The following CWH43 variants were observed in gnomAD, a reference collection of about 807,000 sequenced individuals.
The protein encoded by CWH43 is cell wall biogenesis 43 C-terminal homolog, also known as PGAP2-interacting protein.
A neutral mutation model predicts 85.7 loss-of-function variants in CWH43; 91 were observed. The observed-to-expected ratio is 1.06, with a 90% CI of 0.90 to 1.26. The LOEUF is 1.26. Among genes scored for constraint, CWH43 ranks in the 50% most tolerant of loss-of-function variants. The pLI is 0.00. For synonymous variants in CWH43, 323 were observed against 293.6 expected (o/e 1.10, Z -1.02); for missense variants, 869 against 839.2 (o/e 1.04, Z -0.44).
intron 4 of CWH43, among the ~76,000 whole-genome samples, chr4:48,993,274 T>C (rs1782713132): frequency 6.6e-6 from 1 of 152,176 alleles, no homozygotes; most frequent in Admixed American, 6.5e-5. Flanking sequence ...CCCACTGTAA[T>C]ACACTGCATT....
intron 5 of CWH43, among the ~76,000 whole-genome samples, chr4:48,995,698 A>C (rs572501505): frequency 4.6e-5 from 7 of 151,992 alleles, no homozygotes; most frequent in African/African-American, 1.7e-4. Flanking sequence ...CATCATCCAA[A>C]CCTGAGACCA....
chr4:49,017,664 A>G (rs989344751), intron 9 of CWH43, among the ~76,000 whole-genome samples: 2 of 152,184 alleles, frequency 1.3e-5, no homozygotes, highest in Non-Finnish European at 2.9e-5. Context: ...TAATTTATAA[A>G]GAAGAATTTT....
In CWH43 at chr4:48,994,817, T is replaced by A. The variant is rs1245136628; in HGVS notation, c.710T>A (p.Phe237Tyr). 3 of 1,613,358 alleles carry A rather than the reference T, an allele frequency of 1.9e-6. No individual in the cohort carries two copies. The South Asian group carries it at 3.3e-5, about 18-fold the overall frequency. ...CATCCAGGGCCAGATCCTAACCCAT[T>A]TGGGTGAGTTTGGGTTTGGAAGCAA... is the stretch of plus-strand genomic sequence containing the variant. ...HPHPGPDPNP[F>Y]GGAVLLCLAS... Residue 237 changes from phenylalanine to tyrosine, a missense_variant, in exon 5 of 16, where the codon TTT (phenylalanine) becomes TAT (tyrosine). By Grantham distance (22) the Phe-to-Tyr change is conservative. This residue lies in a region of CWH43 where 152 missense variants were observed against 203.6 expected (regional missense o/e 0.75). Transcript: ENST00000226432.
At chr4:49,050,916 C>T (rs1449807533) in intron 15 of CWH43, 67 bp downstream of exon 15, 2 of 1,095,722 alleles carry the variant, frequency 1.8e-6, no homozygotes. Flanking sequence ...CTACATATTA[C>T]CTCAAAATGA....
At chr4:49,048,997 C>T (rs1784715081) in intron 14 of CWH43, among the ~76,000 whole-genome samples, 2 of 152,044 alleles carry the variant, frequency 1.3e-5, no homozygotes, top group South Asian at 4.1e-4. Context: ...ATGGGAGATC[C>T]TCTGTTTTAA....
intron 12 of CWH43, among the ~76,000 whole-genome samples, chr4:49,037,782 A>G (rs1340305068): frequency 6.6e-6 from 1 of 152,324 alleles, no homozygotes. Context: ...TTTAGAGTAG[A>G]TCTTTAAATT....
At chr4:49,046,641 C>A (rs1306210868) in intron 14 of CWH43, among the ~76,000 whole-genome samples, 2 of 151,878 alleles carry the variant, frequency 1.3e-5, no homozygotes, top group Non-Finnish European at 2.9e-5. Context: ...GAAGGAGGGA[C>A]CCCACCTGTG....
Position 49,055,319 on chromosome 4 carries a change from ATATAT to A in CWH43, c.2021+4472_2021+4476del, listed in dbSNP as rs529170148. ...CATTGTATCATATTTATTGATTTGC[ATATAT>A]TTAACTATCCTTGCATCCCAAGGAA... On this transcript the variant is annotated intron_variant, in intron 15 of 15. Transcript: ENST00000226432. Among the ~76,000 whole-genome samples, 15 of 152,260 alleles carry A rather than the reference ATATAT, an allele frequency of 9.9e-5. No homozygotes were observed. The South Asian group carries it at 2.7e-3, about 27-fold the overall frequency.
chr4:49,052,873 A>G (rs1336963191), intron 15 of CWH43, among the ~76,000 whole-genome samples: 1 of 152,204 alleles, frequency 6.6e-6, no homozygotes, highest in Non-Finnish European at 1.5e-5. Flanking sequence ...ATGCTTTACA[A>G]TAGATCTCCA....
At chr4:49,000,528 T>G (rs1782957636) in intron 6 of CWH43, among the ~76,000 whole-genome samples, 1 of 152,228 alleles carries the variant, frequency 6.6e-6, no homozygotes, top group Admixed American at 6.5e-5. Flanking sequence ...TGAGTTTGCA[T>G]TAAGCATATA....
chr4:49,044,571 A>G (rs1246157951), intron 13 of CWH43, among the ~76,000 whole-genome samples: 1 of 152,192 alleles, frequency 6.6e-6, no homozygotes, highest in Non-Finnish European at 1.5e-5. Context: ...TTTTCTTAGC[A>G]TGTGGTACAG....
intron 7 of CWH43, among the ~76,000 whole-genome samples, chr4:49,006,272 C>A (rs914999029): frequency 1.3e-5 from 2 of 151,092 alleles, no homozygotes; most frequent in Non-Finnish European, 3.0e-5. Context: ...TTTTTAGTTT[C>A]TTCTCACTAC....
intron 13 of CWH43, among the ~76,000 whole-genome samples, chr4:49,042,584 T>C (rs1334041163): frequency 3.3e-5 from 5 of 152,056 alleles, no homozygotes; most frequent in African/African-American, 1.2e-4. Flanking sequence ...GTGGCCACCA[T>C]GTAGGGAAGC....
At chr4:49,043,191 A>G (rs552422875) in intron 13 of CWH43, among the ~76,000 whole-genome samples, 1 of 152,326 alleles carries the variant, frequency 6.6e-6, no homozygotes, top group African/African-American at 2.4e-5. Flanking sequence ...TTGTTTGATG[A>G]TGAAATAGAA....
intron 14 of CWH43, among the ~76,000 whole-genome samples, chr4:49,048,190 G>T (rs886984961): frequency 6.6e-6 from 1 of 151,942 alleles, no homozygotes; most frequent in Admixed American, 6.6e-5. Context: ...AGGAACAGTG[G>T]TATTTATAGT....
intron 10 of CWH43, 32 bp downstream of exon 10, chr4:49,028,766 G>A (rs1560503201): frequency 7.4e-7 from 1 of 1,359,888 alleles, no homozygotes. Context: ...TCCAGGTTTT[G>A]AGAAACTATT....
intron 9 of CWH43, 71 bp downstream of exon 9, chr4:49,017,399 C>A: frequency 8.8e-7 from 1 of 1,135,368 alleles, no homozygotes; most frequent in Non-Finnish European, 1.3e-6. Flanking sequence ...TACAATTTAC[C>A]ATTCTGATTG....
chr4:49,053,472 T>C (rs1784858312), intron 15 of CWH43, among the ~76,000 whole-genome samples: 1 of 152,206 alleles, frequency 6.6e-6, no homozygotes, highest in African/African-American at 2.4e-5. Flanking sequence ...TTTGCCTTTT[T>C]GGTACTAGCC....
At chr4:49,026,194 A>G (rs1231171377) in intron 9 of CWH43, among the ~76,000 whole-genome samples, 1 of 152,022 alleles carries the variant, frequency 6.6e-6, no homozygotes, top group African/African-American at 2.4e-5. Context: ...GGCTGGTCTC[A>G]CTCCAACCGT....
Sources: allele counts gnomAD v4.1 joint callset (sites outside exome capture counted in the v4.1 genomes callset), GRCh38; gene constraint gnomAD v4.1.1; regional missense constraint gnomAD v4.1.1; transcripts MANE v1.5; gene names NCBI Gene and HGNC (gene_info 2026-07-23, HGNC 2026-07-21).